The following MBD5 variants were observed in gnomAD, a reference collection of about 807,000 sequenced individuals.
MBD5 encodes methyl-CpG binding domain protein 5, also known as methyl-CpG-binding domain protein 5.
A neutral mutation model predicts 117.3 loss-of-function variants in MBD5; 13 were observed. That is an observed-to-expected ratio of 0.11 (90% CI 0.07 to 0.18). The LOEUF is 0.18. Among genes scored for constraint, MBD5 ranks in the 10% least tolerant of loss-of-function variants. The probability of loss-of-function intolerance (pLI) is 1.00; values close to 1 mark genes in which losing one functional copy is unlikely to be tolerated. For missense variants in MBD5, 1,879 were observed against 2,093.8 expected, an observed-to-expected ratio of 0.90 and a Z score of 2.00; for synonymous variants, 727 against 766.4, an observed-to-expected ratio of 0.95 and a Z score of 0.85.
intron 1 of MBD5, among the ~76,000 whole-genome samples, chr2:148,115,714 C>A (rs1170998637): frequency 6.6e-6 from 1 of 152,010 alleles, no homozygotes; most frequent in Non-Finnish European, 1.5e-5. Context: ...TTTATATTTT[C>A]ATTTACTCAA....
In MBD5 at chr2:148,323,270, A is replaced by G. The variant is rs1335832179; in HGVS notation, c.-679-18944A>G. Among the ~76,000 whole-genome samples the G allele has an allele frequency of 2.6e-5, 4 of 152,058 alleles. No homozygotes were observed. In the East Asian group the frequency reaches 5.8e-4, roughly 22 times the overall value. Reference sequence around the variant, plus strand: ...TTGTTGGACATTTGGGTTGGTTCCAAGTCTTTGCTATTCTGAATAATGCTG... The same window carrying G: ...TTGTTGGACATTTGGGTTGGTTCCAGGTCTTTGCTATTCTGAATAATGCTG... On this transcript the variant is annotated intron_variant, in intron 3 of 13. Transcript: ENST00000642680.
In MBD5 at chr2:148,470,104, C is replaced by G; in HGVS notation, c.2161C>G (p.Pro721Ala). The change falls in exon 8 of 14, where the codon CCG becomes GCG. Residue 721 changes from proline to alanine, a missense_variant. By Grantham distance (27) the Pro-to-Ala change is conservative. Transcript: ENST00000642680. ...QSSHLSSNSTPGCGASNTALP... is the reference protein window; with the variant it reads ...QSSHLSSNSTAGCGASNTALP... ...CTCTCACTTGAGTAGCAATAGTACCCCGGGTTGTGGGGCCTCAAATACTGC... is the reference window on the plus strand; with the variant it reads ...CTCTCACTTGAGTAGCAATAGTACCGCGGGTTGTGGGGCCTCAAATACTGC... The G allele has an allele frequency of 6.2e-7, 1 of 1,613,814 alleles. No individual in the cohort carries two copies. The highest frequency in any genetic ancestry group is 1.1e-5 in the South Asian group (1 of 91,068).
At chr2:148,248,783 TAGAC>T (rs1204505830) in intron 3 of MBD5, among the ~76,000 whole-genome samples, 24 of 152,074 alleles carry the variant, frequency 1.6e-4, no homozygotes, top group East Asian at 5.8e-4. Context: ...TGGTAAAAGA[TAGAC>T]AGACTGACCA....
At chr2:148,245,895 T>C (rs1048114381) in intron 3 of MBD5, among the ~76,000 whole-genome samples, 16 of 152,292 alleles carry the variant, frequency 1.1e-4, no homozygotes, top group Non-Finnish European at 1.9e-4. Context: ...TTCTTACTAA[T>C]AGGAGAATTT....
At chr2:148,470,759 C>T in intron 8 of MBD5, 2 of 406,478 alleles carry the variant, frequency 4.9e-6, no homozygotes, top group Admixed American at 4.1e-5. Context: ...GCAAAATAAG[C>T]CATACGAGGC....
At chr2:148,060,896 A>G (rs1325443079) in intron 1 of MBD5, among the ~76,000 whole-genome samples, 1 of 152,056 alleles carries the variant, frequency 6.6e-6, no homozygotes, top group Non-Finnish European at 1.5e-5. Flanking sequence ...AAGAGGCTCT[A>G]TATGTTTCCA....
chr2:148,389,984 A>G (rs1704516570), intron 4 of MBD5, among the ~76,000 whole-genome samples: 1 of 152,032 alleles, frequency 6.6e-6, no homozygotes, highest in African/African-American at 2.4e-5. Flanking sequence ...TCTTAGTTAA[A>G]AATTATTTGT....
In MBD5 at chr2:148,021,500, T is replaced by C. The variant is rs1361505856; in HGVS notation, c.-1109T>C. ...CTGCTGTTGCTGCTGCTGCTGCTAC[T>C]GCTGCTGCTGCTACTGCTGCTGCTT... is the stretch of plus-strand genomic sequence containing the variant. On this transcript the variant is annotated 5_prime_UTR_variant, in exon 1 of 14. Coordinates refer to ENST00000642680, the MANE Select transcript of MBD5 (RefSeq NM_001378120.1). 2 of 566,776 alleles carry C rather than the reference T, an allele frequency of 3.5e-6. No homozygotes were observed. Among genetic ancestry groups the C allele is most frequent in the Non-Finnish European group, 6.8e-6 (2 of 293,954 alleles). The allele number at this position is 566,776 out of a possible 1,614,324, so 35.1% of individuals were successfully genotyped here.
chr2:148,322,543 T>C (rs1047055998), intron 3 of MBD5, among the ~76,000 whole-genome samples: 4 of 152,188 alleles, frequency 2.6e-5, no homozygotes, highest in African/African-American at 9.7e-5. Context: ...TTTCCTACTT[T>C]AAAATGTAAT....
chr2:148,127,914 A>G (rs547883776), intron 1 of MBD5, among the ~76,000 whole-genome samples: 8 of 152,284 alleles, frequency 5.3e-5, no homozygotes, highest in African/African-American at 1.7e-4. Context: ...TGACTTTTTA[A>G]TAATCACCAT....
At chr2:148,137,844 C>G (rs1012092249) in intron 1 of MBD5, among the ~76,000 whole-genome samples, 1 of 152,166 alleles carries the variant, frequency 6.6e-6, no homozygotes, top group African/African-American at 2.4e-5. Context: ...GTATTCAGCA[C>G]AGTAACATGC....
chr2:148,227,596 G>T (rs1699865794), intron 2 of MBD5, among the ~76,000 whole-genome samples: 1 of 152,136 alleles, frequency 6.6e-6, no homozygotes, highest in African/African-American at 2.4e-5. Context: ...TGGCAATGTG[G>T]GCTCTATTTT....
chr2:148,468,089 C>A (rs899167597), intron 7 of MBD5, among the ~76,000 whole-genome samples: 1 of 151,978 alleles, frequency 6.6e-6, no homozygotes, highest in African/African-American at 2.4e-5. Context: ...AGTAAATAAG[C>A]ATAATGAGCA....
intron 3 of MBD5, among the ~76,000 whole-genome samples, chr2:148,291,310 A>C (rs903427157): frequency 6.6e-6 from 1 of 152,236 alleles, no homozygotes; most frequent in African/African-American, 2.4e-5. Context: ...CATCTTAACA[A>C]TAGTAGAGCT....
chr2:148,395,222 A>G (rs1287002319), intron 4 of MBD5, among the ~76,000 whole-genome samples: 2 of 152,078 alleles, frequency 1.3e-5, no homozygotes, highest in African/African-American at 2.4e-5. Flanking sequence ...TAGTTTCCTC[A>G]TGTTCTACTT....
chr2:148,221,223 C>T (rs948466381), intron 2 of MBD5, among the ~76,000 whole-genome samples: 1 of 152,244 alleles, frequency 6.6e-6, no homozygotes, highest in Non-Finnish European at 1.5e-5. Context: ...GTGAACAGTG[C>T]TGCAACAAAC....
chr2:148,089,349 A>G (rs568402949), intron 1 of MBD5, among the ~76,000 whole-genome samples: 1 of 152,244 alleles, frequency 6.6e-6, no homozygotes, highest in South Asian at 2.1e-4. Context: ...AAATGGACTT[A>G]ACAGATATTT....
chr2:148,361,668 C>T (rs145037049), intron 4 of MBD5, among the ~76,000 whole-genome samples: 123 of 152,292 alleles, frequency 8.1e-4, no homozygotes, highest in African/African-American at 2.9e-3. Flanking sequence ...CGTTGCCAAT[C>T]CCATAGTTTG....
At chr2:148,207,888 T>G (rs891630923) in intron 2 of MBD5, among the ~76,000 whole-genome samples, 3 of 152,230 alleles carry the variant, frequency 2.0e-5, no homozygotes, top group African/African-American at 7.2e-5. Context: ...CCTAGCACCC[T>G]AAAGCATGTT....
Sources: allele counts gnomAD v4.1 joint callset (sites outside exome capture counted in the v4.1 genomes callset), GRCh38; gene constraint gnomAD v4.1.1; transcripts MANE v1.5; gene names NCBI Gene and HGNC (gene_info 2026-07-23, HGNC 2026-07-21).